The following SLC13A3 variants were observed in gnomAD, a reference collection of about 807,000 sequenced individuals.
SLC13A3 encodes solute carrier family 13 member 3.
Under a neutral mutation model 59.0 loss-of-function variants are expected in SLC13A3, and 40 were observed. The observed-to-expected ratio is 0.68, with a 90% CI of 0.53 to 0.88. The LOEUF (loss-of-function observed/expected upper bound fraction) is 0.88, where lower values mean the gene tolerates loss of function less well. Ranked by LOEUF, SLC13A3 falls within the 40% of genes least tolerant of loss-of-function variation. The probability of loss-of-function intolerance (pLI) is 0.00; values close to 1 mark genes in which losing one functional copy is unlikely to be tolerated. For missense variants in SLC13A3, 699 were observed against 783.2 expected (o/e 0.89, Z 1.28); for synonymous variants, 317 against 330.3 (o/e 0.96, Z 0.44).
chr20:46,651,762 G>A (rs977565956), upstream of SLC13A3, among the ~76,000 whole-genome samples: 2 of 152,238 alleles, frequency 1.3e-5, no homozygotes, highest in Non-Finnish European at 2.9e-5. Flanking sequence ...GGATGACAAG[G>A]CGAGGATTAA....
chr20:46,639,687 C>T (rs1600600117), intron 1 of SLC13A3, among the ~76,000 whole-genome samples: 1 of 152,312 alleles, frequency 6.6e-6, no homozygotes, highest in South Asian at 2.1e-4. Context: ...CCAGCACAAT[C>T]GCTCCCTTCC....
chr20:46,659,047 T>C (rs1162928137), intron 1 of SLC13A3, among the ~76,000 whole-genome samples: 1 of 152,240 alleles, frequency 6.6e-6, no homozygotes, highest in Non-Finnish European at 1.5e-5. Context: ...CCTGTTTCTA[T>C]ATGTACAATG....
intron 1 of SLC13A3, among the ~76,000 whole-genome samples, chr20:46,666,262 C>T (rs7360790): frequency 3.3e-5 from 5 of 152,250 alleles, no homozygotes; most frequent in Middle Eastern, 3.4e-3. Context: ...CTCATTATAC[C>T]GTGGAGAGAG....
chr20:46,600,559 G>C, intron 3 of SLC13A3: 1 of 437,112 alleles, frequency 2.3e-6, no homozygotes, highest in South Asian at 1.7e-5. Flanking sequence ...AGGGCTGCTT[G>C]ACAACCCATA....
chr20:46,559,212 G>A lies in SLC13A3; in HGVS notation c.*810C>T, dbSNP rs1568903767. 1.3e-5 allele frequency: 2 copies of A among 152,406 alleles called. No homozygotes were observed. 9.4% of individuals were successfully genotyped at this position (152,406 alleles called of 1,614,324 possible). ...GCCTATGGGGGCCACATGTAGGAGA[G>A]TCCTGGCTGGAGGGGTCATGAGTCA... On this transcript the variant is annotated 3_prime_UTR_variant, in exon 13 of 13. Coordinates refer to ENST00000279027, the MANE Select transcript of SLC13A3 (RefSeq NM_022829.6).
At chr20:46,602,183 A>G (rs1280189791) in intron 3 of SLC13A3, among the ~76,000 whole-genome samples, 1 of 151,992 alleles carries the variant, frequency 6.6e-6, no homozygotes, top group Non-Finnish European at 1.5e-5. Flanking sequence ...ACATTCTCCA[A>G]AAAATTAGCT....
At chr20:46,675,500 C>T (rs2063119392) in intron 1 of SLC13A3, among the ~76,000 whole-genome samples, 1 of 150,898 alleles carries the variant, frequency 6.6e-6, no homozygotes, top group Non-Finnish European at 1.5e-5. Context: ...CCCACCTCAG[C>T]CTCCCAAAGT....
At chr20:46,581,439 C>T in intron 9 of SLC13A3, among the ~76,000 whole-genome samples, 1 of 152,156 alleles carries the variant, frequency 6.6e-6, no homozygotes, top group East Asian at 1.9e-4. Flanking sequence ...AAACAGAGAC[C>T]CACTGGGCAA....
intron 8 of SLC13A3, chr20:46,584,427 C>G (rs1434069818): frequency 1.5e-5 from 15 of 985,170 alleles, no homozygotes; most frequent in Non-Finnish European, 1.8e-5. Flanking sequence ...TTCTGTAGAC[C>G]CTGGCCTGAA....
At chr20:46,601,335 G>T (rs1319381978) in intron 3 of SLC13A3, among the ~76,000 whole-genome samples, 1 of 152,206 alleles carries the variant, frequency 6.6e-6, no homozygotes, top group African/African-American at 2.4e-5. Flanking sequence ...ATGATGGCTG[G>T]ATTTGGCTGG....
At chr20:46,678,985 C>T (rs1297800378) in intron 1 of SLC13A3, among the ~76,000 whole-genome samples, 1 of 152,158 alleles carries the variant, frequency 6.6e-6, no homozygotes, top group African/African-American at 2.4e-5. Context: ...CACCATGGGA[C>T]ACTGCCTGCT....
chr20:46,591,193 T>TAAATAAATAAATAAAC (rs1287012757), intron 6 of SLC13A3, among the ~76,000 whole-genome samples: 18 of 140,908 alleles, frequency 1.3e-4, no homozygotes, highest in African/African-American at 4.5e-4. Flanking sequence ...AATAAATAAA[T>TAAATAAATAAATAAAC]AAACAAACAA....
At chr20:46,570,328 T>C (rs1169125138) in intron 10 of SLC13A3, among the ~76,000 whole-genome samples, 1 of 152,234 alleles carries the variant, frequency 6.6e-6, no homozygotes, top group African/African-American at 2.4e-5. Context: ...TTAATCTTCA[T>C]AGCAACCTCA....
At chr20:46,619,726 A>G (rs2062596362) in intron 1 of SLC13A3, among the ~76,000 whole-genome samples, 1 of 152,112 alleles carries the variant, frequency 6.6e-6, no homozygotes, top group Non-Finnish European at 1.5e-5. Context: ...TGCCAGGAAC[A>G]TTCTTCTGCT....
chr20:46,623,314 AC>A (rs2062634387), intron 1 of SLC13A3, among the ~76,000 whole-genome samples: 1 of 152,156 alleles, frequency 6.6e-6, no homozygotes, highest in African/African-American at 2.4e-5. Flanking sequence ...ACAATCACCA[AC>A]ATTTTTTGAG....
intron 2 of SLC13A3, among the ~76,000 whole-genome samples, chr20:46,610,811 A>G (rs2062486960): frequency 6.6e-6 from 1 of 152,170 alleles, no homozygotes; most frequent in South Asian, 2.1e-4. Context: ...TGAACTGTCC[A>G]TAGGTACCCA....
chr20:46,676,443 C>G (rs1316147408), intron 1 of SLC13A3, among the ~76,000 whole-genome samples: 3 of 124,182 alleles, frequency 2.4e-5, no homozygotes, highest in African/African-American at 9.4e-5. Flanking sequence ...TTAGTAGAGA[C>G]AAGGTTTCAC....
intron 1 of SLC13A3, among the ~76,000 whole-genome samples, chr20:46,632,915 C>CTACCCACCCAGATCTATT (rs2062757848): frequency 2.9e-5 from 1 of 34,090 alleles, no homozygotes; most frequent in Non-Finnish European, 6.9e-5. Context: ...ATAGATATAT[C>CTACCCACCCAGATCTATT]TATCTATCTA....
At chr20:46,594,143 T>C (rs2062286034) in intron 5 of SLC13A3, among the ~76,000 whole-genome samples, 1 of 151,762 alleles carries the variant, frequency 6.6e-6, no homozygotes, top group Admixed American at 6.6e-5. Context: ...ATTTGAGCCC[T>C]TGTGTTGCAT....
Sources: gnomAD v4.1 joint callset for allele counts (sites outside exome capture counted in the v4.1 genomes callset) on GRCh38, gnomAD v4.1.1 for gene constraint, MANE v1.5 for transcripts, NCBI Gene and HGNC (gene_info 2026-07-23, HGNC 2026-07-21) for gene names.